RSBN1L: variants seen among roughly 807,000 people sequenced by gnomAD.
The protein encoded by RSBN1L is lysine-specific demethylase RSBN1L.
A neutral mutation model predicts 67.7 loss-of-function variants in RSBN1L; 30 were observed. The observed-to-expected ratio is 0.44, with a 90% CI of 0.33 to 0.60. The LOEUF (loss-of-function observed/expected upper bound fraction) is 0.60, where lower values mean the gene tolerates loss of function less well. Ranked by LOEUF, RSBN1L falls within the 20% of genes least tolerant of loss-of-function variation. The pLI is 0.02. For missense variants in RSBN1L, 992 were observed against 1,031.7 expected (o/e 0.96, Z 0.53); for synonymous variants, 433 against 387.0 (o/e 1.12, Z -1.39).
At chr7:77,729,261 G>A (rs971942160) in intron 1 of RSBN1L, among the ~76,000 whole-genome samples, 1 of 152,188 alleles carries the variant, frequency 6.6e-6, no homozygotes, top group African/African-American at 2.4e-5. Flanking sequence ...TATGGCTGCA[G>A]TTGGAAGGAG....
rs772671256 is a variant in RSBN1L at position 77,749,715 on chromosome 7, G to A, written c.995G>A (p.Arg332Gln). Reference sequence around the variant, plus strand: ...CCATTTGTCTCATTAAAGGAGCCACGAGTTCAGAATAACCTCAAAAGGTTG... The same window carrying A: ...CCATTTGTCTCATTAAAGGAGCCACAAGTTCAGAATAACCTCAAAAGGTTG... ...EFPFVSLKEP[R>Q]VQNNLKRLDT... is the part of the protein sequence containing the mutation. Residue 332 changes from arginine to glutamine, a missense_variant, in exon 3 of 8, where the codon CGA becomes CAA. By Grantham distance (43) the Arg-to-Gln change is conservative. Around this residue, in one of 7 missense-constraint regions of RSBN1L, gnomAD observed 575 missense variants for 483.2 expected, o/e 1.19. Transcript: ENST00000334955. The A allele has an allele frequency of 1.2e-5, 20 of 1,613,942 alleles. No individual in the cohort carries two copies. In the South Asian group the frequency reaches 1.5e-4, roughly 12 times the overall value.
At chr7:77,716,654 C>T (rs112477582) in intron 1 of RSBN1L, among the ~76,000 whole-genome samples, 11,981 of 102,868 alleles carry the variant, frequency 0.12, 855 homozygotes, top group South Asian at 0.22. Context: ...TTTTTTTAGA[C>T]GGTGTCTTGC....
Position 77,781,948 on chromosome 7 carries a change from G to A in RSBN1L, c.*2780G>A, listed in dbSNP as rs1451053204. Reference sequence around the variant, plus strand: ...TGCAGTGAGCCGAGATCGCCCCACTGCCCTCCAGCCTGGGCGACAGTCTCA... The same window carrying A: ...TGCAGTGAGCCGAGATCGCCCCACTACCCTCCAGCCTGGGCGACAGTCTCA... On this transcript the variant is annotated 3_prime_UTR_variant, in exon 8 of 8. Transcript: ENST00000334955. 3 of 126,342 alleles carry A rather than the reference G, an allele frequency of 2.4e-5. No individual in the cohort carries two copies. Among genetic ancestry groups the A allele is most frequent in the Non-Finnish European group, 4.7e-5 (3 of 63,682 alleles). 7.8% of individuals were successfully genotyped at this position (126,342 alleles called of 1,614,324 possible). A position where few individuals can be genotyped will look rare whatever the true frequency, so the allele number is the denominator to read the frequency against.
intron 5 of RSBN1L, among the ~76,000 whole-genome samples, chr7:77,770,479 A>C (rs1309069321): frequency 6.6e-6 from 1 of 152,206 alleles, no homozygotes; most frequent in Non-Finnish European, 1.5e-5. Context: ...CCAAGAGTTC[A>C]GGAGCAGCCT....
rs1396903596 is a variant in RSBN1L at position 77,782,547 on chromosome 7, T to C, written c.*3379T>C. On this transcript the variant is annotated 3_prime_UTR_variant, in exon 8 of 8. Coordinates refer to ENST00000334955, the MANE Select transcript of RSBN1L (RefSeq NM_198467.3). ...AACTTTACTGAAGCCATATTCATTA[T>C]CTTCCTTGTCACCAAGGCTGTTGAC... 6.6e-6 allele frequency: 1 copy of C among 152,238 alleles called. No individual in the cohort carries two copies. Among genetic ancestry groups the C allele is most frequent in the Non-Finnish European group, 1.5e-5 (1 of 68,032 alleles). 9.4% of individuals were successfully genotyped at this position (152,238 alleles called of 1,614,324 possible).
chr7:77,778,617 A>G lies in RSBN1L; in HGVS notation c.1990A>G (p.Ile664Val), dbSNP rs890055538. 16 of 1,613,946 alleles carry G rather than the reference A, an allele frequency of 9.9e-6. No individual in the cohort carries two copies. In the African/African-American group the frequency reaches 1.9e-4, roughly 19 times the overall value. The change falls in exon 8 of 8, where the codon ATT (isoleucine) becomes GTT (valine). Residue 664 changes from isoleucine (I) to valine (V), a missense_variant. Physicochemically the swap from Ile to Val is conservative, Grantham distance 29. Coordinates refer to ENST00000334955, the MANE Select transcript of RSBN1L (RefSeq NM_198467.3). ...CAGGATTCAGCTATATGATAATGAC[A>G]TTTATTTTATTCCAAGGAATGTTGT... ...YARIQLYDNDIYFIPRNVVHQ... is the reference protein window; with the variant it reads ...YARIQLYDNDVYFIPRNVVHQ...
Position 77,769,034 on chromosome 7 carries a change from T to C in RSBN1L, c.1625+231T>C, listed in dbSNP as rs144729942. On this transcript the variant is annotated intron_variant, in intron 5 of 7. Coordinates refer to ENST00000334955, the MANE Select transcript of RSBN1L (RefSeq NM_198467.3). ...ATTGTAATGATGGATGGAAAAAATGTCATAAGATATAAACTATTTTAGAAT... is the reference window on the plus strand; with the variant it reads ...ATTGTAATGATGGATGGAAAAAATGCCATAAGATATAAACTATTTTAGAAT... Among the ~76,000 whole-genome samples the C allele has an allele frequency of 8.8e-3, 1,345 of 152,338 alleles. 7 individuals are homozygous for C. Among genetic ancestry groups the C allele is most frequent in the Non-Finnish European group, 0.014 (949 of 68,034 alleles).
chr7:77,740,970 T>A (rs1562801978), intron 2 of RSBN1L, among the ~76,000 whole-genome samples: 1 of 148,578 alleles, frequency 6.7e-6, no homozygotes, highest in Non-Finnish European at 1.5e-5. Flanking sequence ...CCCATCAACA[T>A]TTTTCTTTTC....
intron 1 of RSBN1L, among the ~76,000 whole-genome samples, chr7:77,723,451 T>C (rs1257270473): frequency 2.0e-5 from 3 of 152,114 alleles, no homozygotes; most frequent in African/African-American, 7.2e-5. Flanking sequence ...TCAGAATACA[T>C]ATATAATTTA....
At position 77,728,803 on chromosome 7, in the gene RSBN1L, G is replaced by T. The variant is rs545638606; in HGVS notation, c.587-7607G>T. Reference sequence around the variant, plus strand: ...TTTCTATGGGGTGCCTCGCATATTTGGGGAGGGGAATCACAGAAGTCGATT... The same window carrying T: ...TTTCTATGGGGTGCCTCGCATATTTTGGGAGGGGAATCACAGAAGTCGATT... On this transcript the variant is annotated intron_variant, in intron 1 of 7. Coordinates refer to ENST00000334955, the MANE Select transcript of RSBN1L (RefSeq NM_198467.3). 2.1e-4 allele frequency among the ~76,000 whole-genome samples: 32 copies of T among 152,264 alleles called. 1 individual carries two copies. The highest frequency in any genetic ancestry group is 1.2e-3 in the Admixed American group (18 of 15,300).
intron 3 of RSBN1L, among the ~76,000 whole-genome samples, chr7:77,752,032 A>T (rs1387369767): frequency 6.6e-6 from 1 of 152,240 alleles, no homozygotes; most frequent in Non-Finnish European, 1.5e-5. Flanking sequence ...ATACTAAATG[A>T]TAAAAATTTT....
At position 77,779,653 on chromosome 7, in the gene RSBN1L, A is replaced by T. The variant is rs1219993684; in HGVS notation, c.*485A>T. 1 of 152,114 alleles carries T rather than the reference A, an allele frequency of 6.6e-6. No individual in the cohort carries two copies. Among genetic ancestry groups the T allele is most frequent in the African/African-American group, 2.4e-5 (1 of 41,350 alleles). The allele number at this position is 152,114 out of a possible 1,614,324, so 9.4% of individuals were successfully genotyped here. A position where few individuals can be genotyped will look rare whatever the true frequency, so the allele number is the denominator to read the frequency against. On this transcript the variant is annotated 3_prime_UTR_variant, in exon 8 of 8. Transcript: ENST00000334955. ...ACTTAATAAAGGTTCATATGTTCAT[A>T]TTAATAAATATGTTTTCTGTTGAGT...
chr7:77,718,580 G>A (rs1454912758), intron 1 of RSBN1L, among the ~76,000 whole-genome samples: 8 of 152,048 alleles, frequency 5.3e-5, no homozygotes, highest in Admixed American at 1.3e-4. Context: ...GTGAGCCACC[G>A]CACCTGGCCC....
In RSBN1L at chr7:77,765,532, G is replaced by A; in HGVS notation, c.1382G>A (p.Gly461Asp). The stretch of plus-strand genomic sequence containing the variant: ...TATTCTCATGGTACTTACAGAGCTG[G>A]CCCAATGAGACAAATAAGCTTGGTG... ...RTYSHGTYRA[G>D]PMRQISLVGA... The change falls in exon 4 of 8, where the codon GGC (glycine) becomes GAC (aspartate). Residue 461 changes from glycine to aspartate, a missense_variant. Transcript: ENST00000334955. The A allele has an allele frequency of 6.2e-7, 1 of 1,610,530 alleles. No homozygotes were observed. The highest frequency in any genetic ancestry group is 8.5e-7 in the Non-Finnish European group (1 of 1,177,918).
chr7:77,718,378 A>C (rs1366540287), intron 1 of RSBN1L, among the ~76,000 whole-genome samples: 2 of 152,108 alleles, frequency 1.3e-5, no homozygotes, highest in Admixed American at 6.5e-5. Context: ...CACGGCTTCA[A>C]CTTCTGGGCT....
intron 1 of RSBN1L, among the ~76,000 whole-genome samples, chr7:77,731,819 G>T (rs1791275689): frequency 6.6e-6 from 1 of 150,376 alleles, no homozygotes; most frequent in South Asian, 2.1e-4. Context: ...TTATTTTCTA[G>T]CACATACCAC....
chr7:77,736,326 T>A lies in RSBN1L; in HGVS notation c.587-84T>A, dbSNP rs188479955. ...TTCTGATTTTCTTTGTGTATTGTAA[T>A]TCCAGAAATTTACCTATAGTTTGTG... is the stretch of plus-strand genomic sequence containing the variant. On this transcript the variant is annotated intron_variant, in intron 1 of 7. Transcript: ENST00000334955. 207 of 600,630 alleles carry A rather than the reference T, an allele frequency of 3.4e-4. No individual in the cohort carries two copies. In the African/African-American group the frequency reaches 3.9e-3, roughly 11 times the overall value. The allele number at this position is 600,630 out of a possible 1,614,324, so 37.2% of individuals were successfully genotyped here. A position where few individuals can be genotyped will look rare whatever the true frequency, so the allele number is the denominator to read the frequency against.
intron 5 of RSBN1L, among the ~76,000 whole-genome samples, chr7:77,771,158 T>A (rs1791844054): frequency 6.6e-6 from 1 of 152,212 alleles, no homozygotes. Context: ...GCCAGGATGG[T>A]CTTGATCTCT....
intron 4 of RSBN1L, 145 bp from the exon 5 acceptor site, chr7:77,768,516 A>T (rs371396800): frequency 1.5e-6 from 1 of 683,346 alleles, no homozygotes; most frequent in African/African-American, 1.8e-5. Flanking sequence ...ATATATAGGG[A>T]TATATTCAAT....
Sources: allele counts gnomAD v4.1 joint callset (sites outside exome capture counted in the v4.1 genomes callset), GRCh38; gene constraint gnomAD v4.1.1; regional missense constraint gnomAD v4.1.1; transcripts MANE v1.5; gene names NCBI Gene and HGNC (gene_info 2026-07-23, HGNC 2026-07-21).